SOX5: variants seen among roughly 807,000 people sequenced by gnomAD.
SOX5 encodes the protein transcription factor SOX-5.
SOX5 carries 9 observed loss-of-function variants against 92.0 expected under a neutral mutation model. The observed-to-expected ratio is 0.10, with a 90% CI of 0.06 to 0.17. The LOEUF is 0.17. Ranked by LOEUF, SOX5 falls within the 10% of genes least tolerant of loss-of-function variation. SOX5 has a pLI of 1.00. For synonymous variants in SOX5, 344 were observed against 336.3 expected, an observed-to-expected ratio of 1.02 and a Z score of -0.25; for missense variants, 642 against 944.5, an observed-to-expected ratio of 0.68 and a Z score of 4.20.
At chr12:23,581,472 C>A (rs774516629) in intron 9 of SOX5, among the ~76,000 whole-genome samples, 2 of 152,032 alleles carry the variant, frequency 1.3e-5, no homozygotes, top group Non-Finnish European at 2.9e-5. Flanking sequence ...AATTGCACTT[C>A]CTCAAATATT....
At chr12:23,931,894 T>G (rs1275194791) in intron 1 of SOX5, among the ~76,000 whole-genome samples, 2 of 151,618 alleles carry the variant, frequency 1.3e-5, no homozygotes, top group Non-Finnish European at 3.0e-5. Flanking sequence ...AAAATGGTAT[T>G]CATGGCTATC....
chr12:23,695,706 C>T (rs1231017892), intron 6 of SOX5, among the ~76,000 whole-genome samples: 2 of 151,940 alleles, frequency 1.3e-5, no homozygotes, highest in African/African-American at 4.8e-5. Context: ...CTTTGGGAGG[C>T]CAAGGCGAGT....
At chr12:24,043,875 T>G (rs892454117) in intron 4 of SOX5, among the ~76,000 whole-genome samples, 1 of 152,228 alleles carries the variant, frequency 6.6e-6, no homozygotes, top group Non-Finnish European at 1.5e-5. Flanking sequence ...ACAACAATTT[T>G]AATTATAAAA....
At chr12:24,385,760 A>G (rs896714833) in intron 1 of SOX5, among the ~76,000 whole-genome samples, 1 of 151,968 alleles carries the variant, frequency 6.6e-6, no homozygotes, top group African/African-American at 2.4e-5. Flanking sequence ...CAACGTAGTG[A>G]AATCTCATGT....
At chr12:23,538,886 C>T (rs1941254380) in intron 13 of SOX5, among the ~76,000 whole-genome samples, 1 of 145,510 alleles carries the variant, frequency 6.9e-6, no homozygotes. Context: ...CTGCAAGCTC[C>T]ACCTCCCGGA....
At chr12:24,415,211 A>C (rs1473777698) in intron 1 of SOX5, among the ~76,000 whole-genome samples, 1 of 152,260 alleles carries the variant, frequency 6.6e-6, no homozygotes, top group Non-Finnish European at 1.5e-5. Flanking sequence ...TTGCCAGTTA[A>C]AAAACATAGG....
intron 6 of SOX5, among the ~76,000 whole-genome samples, chr12:23,695,208 T>G (rs1386364682): frequency 2.0e-5 from 3 of 152,180 alleles, no homozygotes; most frequent in Non-Finnish European, 4.4e-5. Flanking sequence ...TTTGTCATTA[T>G]GCCAAAACCA....
At chr12:24,506,971 T>C (rs1948848012) in intron 1 of SOX5, among the ~76,000 whole-genome samples, 2 of 151,700 alleles carry the variant, frequency 1.3e-5, no homozygotes, top group South Asian at 2.1e-4. Flanking sequence ...TTTGTATTTT[T>C]AGTAGAGACG....
chr12:23,626,724 T>C (rs2077865956), intron 8 of SOX5, among the ~76,000 whole-genome samples: 2 of 147,460 alleles, frequency 1.4e-5, no homozygotes, highest in South Asian at 4.3e-4. Flanking sequence ...TATAGGTAGA[T>C]AGCTATACTT....
At chr12:23,545,105 G>A (rs1032509893) in intron 12 of SOX5, among the ~76,000 whole-genome samples, 1 of 152,170 alleles carries the variant, frequency 6.6e-6, no homozygotes, top group Non-Finnish European at 1.5e-5. Flanking sequence ...GTGTTTCAAC[G>A]TTCAGGTTTG....
intron 1 of SOX5, among the ~76,000 whole-genome samples, chr12:24,447,296 G>A (rs184956041): frequency 7.2e-5 from 11 of 152,202 alleles, no homozygotes; most frequent in Admixed American, 2.6e-4. Flanking sequence ...TGATGAAAAC[G>A]GCACTTCAGC....
intron 2 of SOX5, among the ~76,000 whole-genome samples, chr12:24,281,131 C>T (rs1173459724): frequency 6.7e-6 from 1 of 149,098 alleles, no homozygotes; most frequent in Non-Finnish European, 1.5e-5. Context: ...AGAAAACAAA[C>T]TTTAAAACAG....
chr12:23,567,290 T>G (rs914924005), intron 10 of SOX5, among the ~76,000 whole-genome samples: 1 of 152,034 alleles, frequency 6.6e-6, no homozygotes, highest in Non-Finnish European at 1.5e-5. Context: ...GGAGGGCATG[T>G]GTATAGGAGA....
intron 3 of SOX5, among the ~76,000 whole-genome samples, chr12:23,837,972 A>G (rs111219668): frequency 8.0e-6 from 1 of 124,616 alleles, no homozygotes; most frequent in African/African-American, 3.1e-5. Context: ...TTATATTTAT[A>G]TAATATATAT....
chr12:24,270,366 G>A (rs919306959), intron 3 of SOX5, among the ~76,000 whole-genome samples: 8 of 151,954 alleles, frequency 5.3e-5, no homozygotes, highest in African/African-American at 1.9e-4. Context: ...CCTAATGTGG[G>A]GAACTCTTTA....
chr12:24,112,206 G>C (rs1947435632), intron 4 of SOX5, among the ~76,000 whole-genome samples: 1 of 152,240 alleles, frequency 6.6e-6, no homozygotes, highest in African/African-American at 2.4e-5. Flanking sequence ...AAACTGGAAA[G>C]TTTGAGAATC....
At chr12:24,012,041 C>T (rs1438072823) in intron 4 of SOX5, among the ~76,000 whole-genome samples, 1 of 151,950 alleles carries the variant, frequency 6.6e-6, no homozygotes, top group Non-Finnish European at 1.5e-5. Context: ...GTTCTTTAGC[C>T]ACAGATCACT....
chr12:23,715,292 C>CAAAATAAAATAAAAT (rs373690969), intron 6 of SOX5, among the ~76,000 whole-genome samples: 11,457 of 147,804 alleles, frequency 0.078, 618 homozygotes, highest in Non-Finnish European at 0.11. Context: ...GACTCCATCT[C>CAAAATAAAATAAAAT]AAAATAAAAT....
intron 4 of SOX5, among the ~76,000 whole-genome samples, chr12:24,032,282 A>G (rs1249853578): frequency 1.3e-5 from 2 of 151,858 alleles, no homozygotes; most frequent in African/African-American, 2.4e-5. Context: ...AAAAAAAGGT[A>G]TCATTACAAA....
Sources: allele counts gnomAD v4.1 joint callset (sites outside exome capture counted in the v4.1 genomes callset), GRCh38; gene constraint gnomAD v4.1.1; transcripts MANE v1.5; gene names NCBI Gene and HGNC (gene_info 2026-07-23, HGNC 2026-07-21).